Variants in EXOC6B observed in about 807,000 individuals in gnomAD.
EXOC6B encodes the protein SEC15 homolog B.
Under a neutral mutation model 113.5 loss-of-function variants are expected in EXOC6B, and 54 were observed. The observed-to-expected ratio is 0.48, with a 90% CI of 0.38 to 0.60. The LOEUF (loss-of-function observed/expected upper bound fraction) is 0.60, where lower values mean the gene tolerates loss of function less well. Ranked by LOEUF, EXOC6B falls within the 20% of genes least tolerant of loss-of-function variation. EXOC6B has a pLI of 0.00. For synonymous variants in EXOC6B, 357 were observed against 339.0 expected (o/e 1.05, Z -0.58); for missense variants, 797 against 977.5 (o/e 0.82, Z 2.46).
chr2:72,688,944 A>G (rs980382244), intron 6 of EXOC6B, among the ~76,000 whole-genome samples: 1 of 152,236 alleles, frequency 6.6e-6, no homozygotes. Context: ...ATAGTTAAAT[A>G]TTAGTCATCT....
chr2:72,581,491 C>T (rs1326229278), intron 6 of EXOC6B, among the ~76,000 whole-genome samples: 2 of 152,168 alleles, frequency 1.3e-5, no homozygotes, highest in Non-Finnish European at 1.5e-5. Context: ...AGTTTTCTTA[C>T]ACCTTCATCA....
chr2:72,660,063 C>G (rs1674892577), intron 6 of EXOC6B, among the ~76,000 whole-genome samples: 1 of 151,788 alleles, frequency 6.6e-6, no homozygotes, highest in Non-Finnish European at 1.5e-5. Context: ...ACTAATCCAC[C>G]TTACTCTCTC....
At chr2:72,641,210 G>C (rs1000285950) in intron 6 of EXOC6B, among the ~76,000 whole-genome samples, 2 of 152,224 alleles carry the variant, frequency 1.3e-5, no homozygotes, top group Admixed American at 1.3e-4. Context: ...AATTGGGACT[G>C]GTTGGACAGT....
intron 11 of EXOC6B, among the ~76,000 whole-genome samples, chr2:72,507,917 C>A: frequency 6.7e-6 from 1 of 149,386 alleles, no homozygotes; most frequent in Non-Finnish European, 1.5e-5. Flanking sequence ...CTGTTACATT[C>A]CCAAATGTAT....
At chr2:72,780,547 T>C (rs1301313666) in intron 1 of EXOC6B, among the ~76,000 whole-genome samples, 1 of 152,210 alleles carries the variant, frequency 6.6e-6, no homozygotes, top group Non-Finnish European at 1.5e-5. Flanking sequence ...AGAGTTGCTA[T>C]GTACTCTTAG....
intron 2 of EXOC6B, among the ~76,000 whole-genome samples, chr2:72,734,599 T>A (rs559773957): frequency 1.9e-4 from 29 of 152,282 alleles, no homozygotes; most frequent in African/African-American, 6.3e-4. Context: ...AAATGAAAGG[T>A]CATGGCTGTG....
chr2:72,393,029 AGAAAT>A (rs1220885135), intron 18 of EXOC6B, among the ~76,000 whole-genome samples: 1 of 152,106 alleles, frequency 6.6e-6, no homozygotes, highest in East Asian at 1.9e-4. Context: ...CTTACAGCTT[AGAAAT>A]GAGTCAAGGA....
rs566655068 is a variant in EXOC6B at position 72,244,160 on chromosome 2, T to C, written c.2197-59973A>G. Among the ~76,000 whole-genome samples the C allele has an allele frequency of 9.2e-5, 14 of 152,296 alleles. No individual in the cohort carries two copies. In the East Asian group the frequency reaches 2.3e-3, roughly 25 times the overall value. The stretch of plus-strand genomic sequence containing the variant: ...TGACCACGTTCTGGGCCATAAGATA[T>C]ACCTTAACAGATTTAAACAAGTAGA... On this transcript the variant is annotated intron_variant, in intron 20 of 21. Coordinates refer to ENST00000272427, the MANE Select transcript of EXOC6B (RefSeq NM_015189.3).
chr2:72,429,331 T>C (rs1314455962), intron 18 of EXOC6B, among the ~76,000 whole-genome samples: 1 of 152,338 alleles, frequency 6.6e-6, no homozygotes, highest in South Asian at 2.1e-4. Flanking sequence ...ATTTTTTAAG[T>C]TGAAGATTAT....
intron 17 of EXOC6B, among the ~76,000 whole-genome samples, chr2:72,467,120 T>C (rs1398701826): frequency 6.6e-6 from 1 of 152,224 alleles, no homozygotes; most frequent in Non-Finnish European, 1.5e-5. Flanking sequence ...TCACTTAATA[T>C]AATGTCTCCA....
chr2:72,463,176 T>G (rs1225114136), intron 18 of EXOC6B: 1 of 152,148 alleles, frequency 6.6e-6, no homozygotes, highest in Non-Finnish European at 1.5e-5. Context: ...ACACTGGGAA[T>G]TGACTTGCTA....
intron 8 of EXOC6B, chr2:72,515,646 T>C: frequency 1.0e-5 from 10 of 989,234 alleles, no homozygotes; most frequent in Non-Finnish European, 1.2e-5. Flanking sequence ...AACAAAAGCA[T>C]GAAGATTCCT....
At chr2:72,263,909 A>ACAGCCAGCCAGC (rs531669226) in intron 20 of EXOC6B, among the ~76,000 whole-genome samples, 1 of 152,130 alleles carries the variant, frequency 6.6e-6, no homozygotes, top group South Asian at 2.1e-4. Context: ...AAGCATTCTG[A>ACAGCCAGCCAGC]CAGCCAGCCA....
intron 1 of EXOC6B, among the ~76,000 whole-genome samples, chr2:72,805,207 G>A (rs747685594): frequency 1.3e-5 from 2 of 152,162 alleles, no homozygotes; most frequent in Non-Finnish European, 2.9e-5. Flanking sequence ...GTGAAATGAT[G>A]TGAGAAATAA....
chr2:72,594,248 G>T (rs1157184681), intron 6 of EXOC6B, among the ~76,000 whole-genome samples: 1 of 152,140 alleles, frequency 6.6e-6, no homozygotes, highest in Non-Finnish European at 1.5e-5. Context: ...TTCCCAAAAT[G>T]TTGGGATTAC....
intron 1 of EXOC6B, among the ~76,000 whole-genome samples, chr2:72,807,869 A>G (rs1272385443): frequency 6.6e-6 from 1 of 152,174 alleles, no homozygotes; most frequent in African/African-American, 2.4e-5. Flanking sequence ...AAAAGAATAA[A>G]TAAGACCTAG....
chr2:72,369,220 A>T (rs1005735661), intron 19 of EXOC6B, among the ~76,000 whole-genome samples: 16 of 152,020 alleles, frequency 1.1e-4, no homozygotes, highest in African/African-American at 3.9e-4. Context: ...ATATACCAAT[A>T]ACAGACAGAG....
At chr2:72,514,070 T>C (rs1396387822) in intron 10 of EXOC6B, among the ~76,000 whole-genome samples, 1 of 152,146 alleles carries the variant, frequency 6.6e-6, no homozygotes, top group Non-Finnish European at 1.5e-5. Flanking sequence ...TACCACTATA[T>C]ACACCCTAGA....
At chr2:72,369,028 G>C (rs1690826937) in intron 19 of EXOC6B, among the ~76,000 whole-genome samples, 1 of 152,152 alleles carries the variant, frequency 6.6e-6, no homozygotes, top group Non-Finnish European at 1.5e-5. Context: ...AGTTAGGCAG[G>C]AGAATGAATT....
Sources: allele counts gnomAD v4.1 joint callset (sites outside exome capture counted in the v4.1 genomes callset), GRCh38; gene constraint gnomAD v4.1.1; transcripts MANE v1.5; gene names NCBI Gene and HGNC (gene_info 2026-07-23, HGNC 2026-07-21).